Variants in S1PR5 observed in about 807,000 individuals in gnomAD.
The protein encoded by S1PR5 is sphingosine-1-phosphate receptor 5.
For synonymous variants in S1PR5, 307 were observed against 284.7 expected (o/e 1.08, Z -0.79); for missense variants, 583 against 571.7 (o/e 1.02, Z -0.20).
In S1PR5 at chr19:10,515,018, C is replaced by T; in HGVS notation, c.-7G>A. 1.3e-6 allele frequency: 2 copies of T among 1,546,656 alleles called. No individual in the cohort carries two copies. Among genetic ancestry groups the T allele is most frequent in the African/African-American group, 1.4e-5 (1 of 73,826 alleles). On this transcript the variant is annotated 5_prime_UTR_variant, in exon 2 of 2. Transcript: ENST00000333430. ...GCAGCAGCCCCGACTCCATGGGCCG[C>T]GCGCCCCAAGGCTGTTGGAGAGGCA...
Position 10,514,562 on chromosome 19 carries a change from G to C in S1PR5, c.450C>G (p.Arg150=). ...RGPAPVSSRG[R]TLAMAAAAWG... ...AGGCCGCGGCTGCCATCGCCAGCGT[G>C]CGCCCCCGACTGGAGACGGGCGCGG... The change falls in exon 2 of 2, where the codon CGC becomes CGG. Residue 150 remains arginine, a synonymous_variant. Transcript: ENST00000333430. 6.3e-7 allele frequency: 1 copy of C among 1,578,088 alleles called. No homozygotes were observed. Among genetic ancestry groups the C allele is most frequent in the South Asian group, 1.1e-5 (1 of 87,340 alleles).
At chr19:10,516,291 T>C (rs1206486539) in intron 1 of S1PR5, among the ~76,000 whole-genome samples, 1 of 151,928 alleles carries the variant, frequency 6.6e-6, no homozygotes, top group Non-Finnish European at 1.5e-5. Context: ...AACCCCCTCA[T>C]CCACCCAAAA....
Position 10,514,129 on chromosome 19 carries a change from C to G in S1PR5, c.883G>C (p.Ala295Pro). The stretch of plus-strand genomic sequence containing the variant: ...GGGTTCAGAAGTGAGTTGGCCATGG[C>G]CAGTCCCAGGAAGGGATCGGCCTGC... ...LLQADPFLGL[A>P]MANSLLNPII... is the part of the protein sequence containing the mutation. Residue 295 changes from alanine (A) to proline (P), a missense_variant, in exon 2 of 2, where the codon GCC (alanine) becomes CCC (proline). By Grantham distance (27) the Ala-to-Pro change is conservative. Transcript: ENST00000333430. 1 of 1,612,898 alleles carries G rather than the reference C, an allele frequency of 6.2e-7. No individual in the cohort carries two copies. Among genetic ancestry groups the G allele is most frequent in the East Asian group, 2.2e-5 (1 of 44,864 alleles).
Position 10,514,889 on chromosome 19 carries a change from C to A in S1PR5, c.123G>T (p.Val41=), listed in dbSNP as rs779400097. ...QPGAGLRADA[V]VCLAVCAFIV... ...TGAAGGCGCACACCGCCAGGCACAC[C>A]ACGGCGTCGGCGCGCAGGCCGGCAC... The change falls in exon 2 of 2, where the codon GTG becomes GTT. Residue 41 remains valine, a synonymous_variant. Transcript: ENST00000333430. 1 of 1,611,804 alleles carries A rather than the reference C, an allele frequency of 6.2e-7. No homozygotes were observed. Among genetic ancestry groups the A allele is most frequent in the Non-Finnish European group, 8.5e-7 (1 of 1,179,122 alleles).
rs772755266 is a variant in S1PR5, at chr19:10,514,796, G to A, written c.216C>T (p.Phe72=). 1 of 1,613,220 alleles carries A rather than the reference G, an allele frequency of 6.2e-7. No individual in the cohort carries two copies. Among genetic ancestry groups the A allele is most frequent in the Non-Finnish European group, 8.5e-7 (1 of 1,179,794 alleles). The part of the protein sequence containing the change: ...GRHPRFHAPM[F]LLLGSLTLSD... ...ACAACGTGAGGCTGCCCAGGAGCAG[G>A]AACATGGGAGCGTGGAAGCGCGGGT... The change falls in exon 2 of 2, where the codon TTC becomes TTT. Residue 72 remains phenylalanine, a synonymous_variant. Coordinates refer to ENST00000333430, the MANE Select transcript of S1PR5 (RefSeq NM_030760.5).
Position 10,514,399 on chromosome 19 carries a change from G to A in S1PR5, c.613C>T (p.Leu205=), listed in dbSNP as rs1480927298. 1 of 1,607,340 alleles carries A rather than the reference G, an allele frequency of 6.2e-7. No individual in the cohort carries two copies. The highest frequency in any genetic ancestry group is 1.1e-5 in the South Asian group (1 of 90,000). ...LFCVLAFVGI[L]AAICALYARI... is the part of the protein sequence containing the mutation. Reference sequence around the variant, plus strand: ...GCGTAGAGTGCACAGATAGCGGCCAGGATGCCCACGAAGGCGAGCACGCAG... The same window carrying A: ...GCGTAGAGTGCACAGATAGCGGCCAAGATGCCCACGAAGGCGAGCACGCAG... Residue 205 remains leucine (L), a synonymous_variant, in exon 2 of 2, where the codon CTG becomes TTG. Transcript: ENST00000333430.
chr19:10,517,708 G>A (rs1915471569), upstream of S1PR5: 4 of 985,536 alleles, frequency 4.1e-6, no homozygotes, highest in Non-Finnish European at 4.8e-6. Context: ...ACTCGGAGAG[G>A]CGGGAAAGGG....
rs762160071 is a variant in S1PR5, at chr19:10,514,833, A to G, written c.179T>C (p.Val60Ala). 8.4e-5 allele frequency: 135 copies of G among 1,612,978 alleles called. 2 individuals are homozygous for G. In the South Asian group the frequency reaches 1.4e-3, roughly 17 times the overall value. The change falls in exon 2 of 2, where the codon GTG (valine) becomes GCG (alanine). Residue 60 changes from valine to alanine, a missense_variant. By Grantham distance (64) the Val-to-Ala change is moderately conservative. Coordinates refer to ENST00000333430, the MANE Select transcript of S1PR5 (RefSeq NM_030760.5). The stretch of plus-strand genomic sequence containing the variant: ...GTGGAAGCGCGGGTGGCGTCCGAGC[A>G]CCAACAACACGGCTAGATTCTCTAG... ...IVLENLAVLLVLGRHPRFHAP... is the reference protein window; with the variant it reads ...IVLENLAVLLALGRHPRFHAP...
At position 10,514,469 on chromosome 19, in the gene S1PR5, A is replaced by G. The variant is rs1427237918; in HGVS notation, c.543T>C (p.Ala181=). 4 of 1,608,248 alleles carry G rather than the reference A, an allele frequency of 2.5e-6. No individual in the cohort carries two copies. The East Asian group carries it at 9.0e-5, about 36-fold the overall frequency. The change falls in exon 2 of 2, where the codon GCT becomes GCC. Residue 181 remains alanine (A), a synonymous_variant. Coordinates refer to ENST00000333430, the MANE Select transcript of S1PR5 (RefSeq NM_030760.5). ...CGTAGAGCGGCAAGACAGTGGAGCA[A>G]GCGTCCAGGCGACCCAGGCAATTCC... ...LGWNCLGRLD[A]CSTVLPLYAK...
upstream of S1PR5, chr19:10,517,797 C>A: frequency 1.5e-6 from 1 of 684,448 alleles, no homozygotes; most frequent in Non-Finnish European, 1.8e-6. Context: ...GGTGTCCGGG[C>A]ACTGCGCCCT....
In S1PR5 at chr19:10,514,239, A is replaced by G. The variant is rs372486228; in HGVS notation, c.773T>C (p.Leu258Pro). Residue 258 changes from leucine (L) to proline (P), a missense_variant, in exon 2 of 2, where the codon CTG (leucine) becomes CCG (proline). Coordinates refer to ENST00000333430, the MANE Select transcript of S1PR5 (RefSeq NM_030760.5). ...GGGGCCCCAACATGCCACAAAGGCC[A>G]GGAGCACCACGCTGAGCGTGCGCAG... is the stretch of plus-strand genomic sequence containing the variant. ...ALLRTLSVVL[L>P]AFVACWGPLF... 8 of 1,604,268 alleles carry G rather than the reference A, an allele frequency of 5.0e-6. No homozygotes were observed. The highest frequency in any genetic ancestry group is 5.1e-6 in the Non-Finnish European group (6 of 1,175,962).
chr19:10,517,490 AG>A, upstream of S1PR5: 1 of 985,496 alleles, frequency 1.0e-6, no homozygotes, highest in Non-Finnish European at 1.2e-6. Context: ...CTGGCAGGCG[AG>A]GGGGCGGGCC....
chr19:10,517,268 C>A, intron 1 of S1PR5, 130 bp downstream of exon 1: 1 of 684,710 alleles, frequency 1.5e-6, no homozygotes, highest in Non-Finnish European at 1.8e-6. Flanking sequence ...CAGAGGCCTC[C>A]AGGAAAAGTT....
intron 1 of S1PR5, among the ~76,000 whole-genome samples, chr19:10,516,540 G>A (rs751842050): frequency 1.2e-4 from 18 of 149,268 alleles, no homozygotes; most frequent in Admixed American, 3.4e-4. Flanking sequence ...CTGGGAGGCC[G>A]AGGCTGCAGT....
chr19:10,514,303 A>G lies in S1PR5; in HGVS notation c.709T>C (p.Ser237Pro). Residue 237 changes from serine to proline, a missense_variant, in exon 2 of 2, where the codon TCG (serine) becomes CCG (proline). Transcript: ENST00000333430. Reference protein sequence around the residue: ...PARPGTAGTTSTRARRKPRSL... With the variant: ...PARPGTAGTTPTRARRKPRSL... ...CGCGGCTTGCGACGCGCCCGGGTCGAGGTGGTCCCCGCAGTCCCGGGCCGT... is the reference window on the plus strand; with the variant it reads ...CGCGGCTTGCGACGCGCCCGGGTCGGGGTGGTCCCCGCAGTCCCGGGCCGT... 6.4e-7 allele frequency: 1 copy of G among 1,567,552 alleles called. No individual in the cohort carries two copies. Among genetic ancestry groups the G allele is most frequent in the Non-Finnish European group, 8.6e-7 (1 of 1,157,106 alleles).
At chr19:10,517,252 C>A in intron 1 of S1PR5, 146 bp downstream of exon 1, 2 of 519,728 alleles carry the variant, frequency 3.8e-6, no homozygotes, top group Non-Finnish European at 5.0e-6. Context: ...CCAGCTTCCC[C>A]CTCCCCAGAG....
Position 10,514,880 on chromosome 19 carries a change from C to T in S1PR5, c.132G>A (p.Leu44=). 1 of 1,612,380 alleles carries T rather than the reference C, an allele frequency of 6.2e-7. No individual in the cohort carries two copies. The highest frequency in any genetic ancestry group is 8.5e-7 in the Non-Finnish European group (1 of 1,179,406). ...AGLRADAVVC[L]AVCAFIVLEN... ...CTAGCACGATGAAGGCGCACACCGC[C>T]AGGCACACCACGGCGTCGGCGCGCA... Residue 44 remains leucine (L), a synonymous_variant, in exon 2 of 2, where the codon CTG becomes CTA. Coordinates refer to ENST00000333430, the MANE Select transcript of S1PR5 (RefSeq NM_030760.5).
Position 10,514,116 on chromosome 19 carries a change from G to T in S1PR5, c.896C>A (p.Ser299Ter), listed in dbSNP as rs748591236. ...DPFLGLAMAN[S>*]LLNPIIYTLT... is the part of the protein sequence containing the mutation. Reference sequence around the variant, plus strand: ...CGTGTAGATGATGGGGTTCAGAAGTGAGTTGGCCATGGCCAGTCCCAGGAA... The same window carrying T: ...CGTGTAGATGATGGGGTTCAGAAGTTAGTTGGCCATGGCCAGTCCCAGGAA... Residue 299 changes from serine to a stop codon, truncating the protein, a stop_gained, in exon 2 of 2, where the codon TCA becomes TAA. Transcript: ENST00000333430. LOFTEE classifies it low-confidence loss of function (END_TRUNC). 4.3e-6 allele frequency: 7 copies of T among 1,612,784 alleles called. No individual in the cohort carries two copies. Among genetic ancestry groups the T allele is most frequent in the Non-Finnish European group, 5.1e-6 (6 of 1,179,788 alleles).
Position 10,513,311 on chromosome 19 carries a change from C to T in S1PR5, c.*504G>A, listed in dbSNP as rs1014202873. 1.5e-5 allele frequency: 5 copies of T among 327,056 alleles called. No homozygotes were observed. Among genetic ancestry groups the T allele is most frequent in the African/African-American group, 4.3e-5 (2 of 46,716 alleles). 20.3% of individuals were successfully genotyped at this position (327,056 alleles called of 1,614,324 possible). A position where few individuals can be genotyped will look rare whatever the true frequency, so the allele number is the denominator to read the frequency against. On this transcript the variant is annotated 3_prime_UTR_variant, in exon 2 of 2. Coordinates refer to ENST00000333430, the MANE Select transcript of S1PR5 (RefSeq NM_030760.5). The stretch of plus-strand genomic sequence containing the variant: ...AGCAAAAGCGAAGTCCTCTATATCA[C>T]CCACAAGGTCCTTCGGGAACTACTC...
Sources: allele counts gnomAD v4.1 joint callset (sites outside exome capture counted in the v4.1 genomes callset), GRCh38; gene constraint gnomAD v4.1.1; transcripts MANE v1.5; gene names NCBI Gene and HGNC (gene_info 2026-07-23, HGNC 2026-07-21).